Variants in ZNF638 observed in about 807,000 individuals in gnomAD.
ZNF638 encodes CTCL tumor antigen se33-1.
A neutral mutation model predicts 195.6 loss-of-function variants in ZNF638; 46 were observed. That is an observed-to-expected ratio of 0.24 (90% CI 0.19 to 0.30). The LOEUF is 0.30. Ranked by LOEUF, ZNF638 falls within the 10% of genes least tolerant of loss-of-function variation. ZNF638 has a pLI of 1.00. For synonymous variants in ZNF638, 845 were observed against 772.0 expected, an observed-to-expected ratio of 1.09 and a Z score of -1.57; for missense variants, 2,440 against 2,325.3, an observed-to-expected ratio of 1.05 and a Z score of -1.01.
intron 10 of ZNF638, among the ~76,000 whole-genome samples, chr2:71,391,177 A>G (rs1181790789): frequency 1.3e-5 from 2 of 152,224 alleles, no homozygotes; most frequent in African/African-American, 4.8e-5. Context: ...TGCATGACTT[A>G]CGGGCTATCA....
chr2:71,423,055 G>A lies in ZNF638; in HGVS notation c.3541G>A (p.Val1181Ile). 6.2e-7 allele frequency: 1 copy of A among 1,614,126 alleles called. No individual in the cohort carries two copies. The highest frequency in any genetic ancestry group is 8.5e-7 in the Non-Finnish European group (1 of 1,179,992). Reference sequence around the variant, plus strand: ...GGAGGTCAAAGAAGAAATTCCTCTTGTAGCATCCGCTTCAGTCAGTATTGA... The same window carrying A: ...GGAGGTCAAAGAAGAAATTCCTCTTATAGCATCCGCTTCAGTCAGTATTGA... Reference protein sequence around the residue: ...GEEVKEEIPLVASASVSIEQF... With the variant: ...GEEVKEEIPLIASASVSIEQF... Residue 1181 changes from valine (V) to isoleucine (I), a missense_variant, in exon 22 of 28, where the codon GTA (valine) becomes ATA (isoleucine). Around this residue, in one of 5 missense-constraint regions of ZNF638, gnomAD observed 1,883 missense variants for 1,739.1 expected, o/e 1.08. Coordinates refer to ENST00000264447, the MANE Select transcript of ZNF638 (RefSeq NM_014497.5).
At chr2:71,355,850 T>G (rs1230572700) in intron 3 of ZNF638, 70 bp downstream of exon 3, 10 of 848,786 alleles carry the variant, frequency 1.2e-5, no homozygotes, top group Non-Finnish European at 1.8e-5. Context: ...ATGTGACTGT[T>G]AAATACCTTT....
chr2:71,432,170 T>C (rs2080679324), intron 26 of ZNF638, among the ~76,000 whole-genome samples: 1 of 152,212 alleles, frequency 6.6e-6, no homozygotes, highest in Non-Finnish European at 1.5e-5. Context: ...TCTCTCTCTT[T>C]TATTTTAATG....
chr2:71,349,533 C>T lies in ZNF638; in HGVS notation c.579C>T (p.Ser193=). The T allele has an allele frequency of 6.2e-7, 1 of 1,614,092 alleles. No individual in the cohort carries two copies. The highest frequency in any genetic ancestry group is 8.5e-7 in the Non-Finnish European group (1 of 1,180,010). ...GRRLPNLPSQ[S]RNKETLGSEA... ...GATTACCTAATTTACCTTCTCAGAG[C>T]AGAAATAAAGAAACACTTGGTAGTG... The change falls in exon 2 of 28, where the codon AGC becomes AGT. Residue 193 remains serine (S), a synonymous_variant. Coordinates refer to ENST00000264447, the MANE Select transcript of ZNF638 (RefSeq NM_014497.5).
intron 12 of ZNF638, among the ~76,000 whole-genome samples, chr2:71,399,070 T>G (rs1025707950): frequency 3.3e-5 from 5 of 152,212 alleles, no homozygotes; most frequent in Non-Finnish European, 5.9e-5. Flanking sequence ...CTTCGCTTTT[T>G]TTAGAGTTGT....
At chr2:71,397,365 C>T (rs1254049489) in intron 11 of ZNF638, among the ~76,000 whole-genome samples, 8 of 152,098 alleles carry the variant, frequency 5.3e-5, no homozygotes, top group Non-Finnish European at 5.9e-5. Flanking sequence ...TGGCAAAAGT[C>T]GTGAATGACA....
intron 2 of ZNF638, among the ~76,000 whole-genome samples, chr2:71,353,635 A>G (rs1056703030): frequency 6.6e-6 from 1 of 152,198 alleles, no homozygotes; most frequent in African/African-American, 2.4e-5. Context: ...TGAACTGAGA[A>G]GAGTATATCT....
intron 17 of ZNF638, among the ~76,000 whole-genome samples, chr2:71,404,564 A>G (rs569077991): frequency 6.6e-6 from 1 of 152,198 alleles, no homozygotes; most frequent in African/African-American, 2.4e-5. Context: ...AAAACTTAAA[A>G]TAATTAGCTG....
chr2:71,355,005 G>T (rs985766713), intron 2 of ZNF638, among the ~76,000 whole-genome samples: 6 of 151,818 alleles, frequency 4.0e-5, no homozygotes, highest in Non-Finnish European at 7.4e-5. Context: ...GTCTCGCTCT[G>T]TCGCCCAGGC....
intron 8 of ZNF638, among the ~76,000 whole-genome samples, chr2:71,379,047 G>T (rs575760437): frequency 2.6e-5 from 4 of 152,290 alleles, no homozygotes; most frequent in South Asian, 4.1e-4. Context: ...AGCAGGTTCA[G>T]TCTGGGTTTA....
intron 19 of ZNF638, 162 bp from the exon 20 acceptor site, chr2:71,407,960 G>A: frequency 1.7e-6 from 1 of 583,298 alleles, no homozygotes; most frequent in Non-Finnish European, 2.8e-6. Flanking sequence ...TTTGTCTGTT[G>A]TGAATAATGC....
chr2:71,363,132 T>TA, intron 3 of ZNF638, 21 bp from the exon 4 acceptor site: 1 of 1,575,512 alleles, frequency 6.3e-7, no homozygotes, highest in South Asian at 1.1e-5. Flanking sequence ...TGTTAGTTAA[T>TA]ATTGTTTATT....
At chr2:71,433,753 G>C (rs544200958) in intron 27 of ZNF638, among the ~76,000 whole-genome samples, 1 of 152,310 alleles carries the variant, frequency 6.6e-6, no homozygotes, top group South Asian at 2.1e-4. Context: ...TCTAGTTCCT[G>C]CTGAATATTT....
intron 10 of ZNF638, among the ~76,000 whole-genome samples, chr2:71,386,108 G>A (rs1401097891): frequency 1.3e-5 from 2 of 151,712 alleles, no homozygotes; most frequent in African/African-American, 2.4e-5. Flanking sequence ...AGAAATCTTA[G>A]CATGGGCATC....
At chr2:71,395,176 C>T (rs938569927) in intron 10 of ZNF638, 6 of 715,270 alleles carry the variant, frequency 8.4e-6, no homozygotes, top group Non-Finnish European at 1.6e-5. Context: ...TGGATAGACC[C>T]TCACTCCTTG....
chr2:71,364,294 CT>C, intron 5 of ZNF638, 42 bp downstream of exon 5: 1 of 1,537,574 alleles, frequency 6.5e-7, no homozygotes, highest in Non-Finnish European at 8.8e-7. Flanking sequence ...CTTATTTTGA[CT>C]AAATTTTTAA....
rs1210200936 is a variant in ZNF638 at position 71,349,641 on chromosome 2, T to C, written c.687T>C (p.Tyr229=). 4 of 1,614,134 alleles carry C rather than the reference T, an allele frequency of 2.5e-6. No homozygotes were observed. The African/African-American group carries it at 4.0e-5, about 16-fold the overall frequency. ...YTEDPLEVRI[Y]DPEIPTDEVE... is the part of the protein sequence containing the mutation. ...AAGATCCACTTGAAGTACGTATTTATGATCCTGAAATTCCAACTGATGAGG... is the reference window on the plus strand; with the variant it reads ...AAGATCCACTTGAAGTACGTATTTACGATCCTGAAATTCCAACTGATGAGG... The change falls in exon 2 of 28, where the codon TAT becomes TAC. Residue 229 remains tyrosine, a synonymous_variant. Transcript: ENST00000264447.
chr2:71,376,164 A>G (rs755017355), intron 8 of ZNF638: 4 of 152,242 alleles, frequency 2.6e-5, no homozygotes, highest in Non-Finnish European at 5.9e-5. Context: ...TTTCATAGCA[A>G]TGAATAGGTA....
At chr2:71,369,379 C>G (rs1218552201) in intron 7 of ZNF638, among the ~76,000 whole-genome samples, 1 of 150,218 alleles carries the variant, frequency 6.7e-6, no homozygotes, top group African/African-American at 2.4e-5. Context: ...TGGCTGAAGT[C>G]TGTAATCCCA....
Sources: gnomAD v4.1 joint callset for allele counts (sites outside exome capture counted in the v4.1 genomes callset) on GRCh38, gnomAD v4.1.1 for gene constraint, gnomAD v4.1.1 regional missense constraint, MANE v1.5 for transcripts, NCBI Gene and HGNC (gene_info 2026-07-23, HGNC 2026-07-21) for gene names.